The following MAPK4 variants were observed in gnomAD, a reference collection of about 807,000 sequenced individuals.
The protein encoded by MAPK4 is mitogen-activated protein kinase 4, also known as Erk3-related.
In MAPK4, 22 loss-of-function variants were observed where a neutral mutation model predicts 47.7. The ratio of observed to expected loss-of-function variants is 0.46; its 90% CI spans 0.33 to 0.66. The LOEUF (loss-of-function observed/expected upper bound fraction) is 0.66. Ranked by LOEUF, MAPK4 falls within the 30% of genes least tolerant of loss-of-function variation. The pLI, the probability that MAPK4 is intolerant of heterozygous loss-of-function variation, is 0.02. For synonymous variants in MAPK4, 390 were observed against 365.7 expected (o/e 1.07, Z -0.76); for missense variants, 736 against 831.7 (o/e 0.88, Z 1.42).
chr18:50,690,827 T>TA (rs1909174007), intron 2 of MAPK4, among the ~76,000 whole-genome samples: 2 of 152,150 alleles, frequency 1.3e-5, no homozygotes, highest in Admixed American at 6.5e-5. Flanking sequence ...CTTTTGCAAT[T>TA]AAAAAATACA....
intron 2 of MAPK4, among the ~76,000 whole-genome samples, chr18:50,701,920 C>T (rs1324860440): frequency 6.6e-6 from 1 of 152,068 alleles, no homozygotes; most frequent in Non-Finnish European, 1.5e-5. Context: ...CTTTGGGAGG[C>T]CAAGGCAGGT....
chr18:50,570,743 T>A (rs553300896), intron 1 of MAPK4, among the ~76,000 whole-genome samples: 1 of 152,340 alleles, frequency 6.6e-6, no homozygotes, highest in African/African-American at 2.4e-5. Flanking sequence ...GTTCTTGGAA[T>A]CAGCAGCCAC....
intron 5 of MAPK4, among the ~76,000 whole-genome samples, chr18:50,728,564 G>T (rs528743547): frequency 6.6e-6 from 1 of 152,312 alleles, no homozygotes; most frequent in South Asian, 2.1e-4. Context: ...CAGAATTGGT[G>T]GGGGGAAGCA....
intron 1 of MAPK4, among the ~76,000 whole-genome samples, chr18:50,589,468 C>T (rs899250208): frequency 1.1e-4 from 17 of 151,852 alleles, no homozygotes; most frequent in Admixed American, 3.3e-4. Flanking sequence ...TGGTGGCGGG[C>T]GCCTGTAGTC....
chr18:50,649,579 G>A lies in MAPK4; in HGVS notation c.-870-13510G>A, dbSNP rs539364528. 1.5e-4 allele frequency among the ~76,000 whole-genome samples: 23 copies of A among 152,294 alleles called. 1 individual carries two copies. Among genetic ancestry groups the A allele is most frequent in the Admixed American group, 9.8e-4 (15 of 15,298 alleles). ...CTGTCCAGCCTTTACCTCTTCGTGT[G>A]TGTTCCGTAAGGAAGCTCTGTGCAT... On this transcript the variant is annotated intron_variant, in intron 1 of 5. Transcript: ENST00000400384.
At chr18:50,561,743 G>C (rs2042155287) in intron 1 of MAPK4, among the ~76,000 whole-genome samples, 2 of 152,198 alleles carry the variant, frequency 1.3e-5, no homozygotes, top group Admixed American at 1.3e-4. Flanking sequence ...TTCTACACTT[G>C]AGGGTACACT....
chr18:50,649,896 T>C (rs1418894379), intron 1 of MAPK4, among the ~76,000 whole-genome samples: 1 of 152,212 alleles, frequency 6.6e-6, no homozygotes, highest in Non-Finnish European at 1.5e-5. Context: ...TTCATTTATC[T>C]GGAGTGTGTA....
rs559548127 is a variant in MAPK4 at position 50,720,799 on chromosome 18, T to C, written c.692-1139T>C. 2.6e-5 allele frequency among the ~76,000 whole-genome samples: 4 copies of C among 152,284 alleles called. No individual in the cohort carries two copies. In the South Asian group the frequency reaches 8.3e-4, roughly 32 times the overall value. On this transcript the variant is annotated intron_variant, in intron 3 of 5. Transcript: ENST00000400384. ...CCCTGAACTGACCCAATGAGTCCACTGCAGGGAGAGGCCAAAAGGACCTCT... is the reference window on the plus strand; with the variant it reads ...CCCTGAACTGACCCAATGAGTCCACCGCAGGGAGAGGCCAAAAGGACCTCT...
intron 1 of MAPK4, among the ~76,000 whole-genome samples, chr18:50,599,402 A>G (rs566981944): frequency 6.6e-6 from 1 of 152,194 alleles, no homozygotes; most frequent in Non-Finnish European, 1.5e-5. Flanking sequence ...GTCTATGAAC[A>G]TATTTCATTT....
chr18:50,601,150 G>A (rs2042535628), intron 1 of MAPK4, among the ~76,000 whole-genome samples: 1 of 150,874 alleles, frequency 6.6e-6, no homozygotes. Context: ...GAGACATAGT[G>A]TGAGACCCTG....
chr18:50,673,661 C>G (rs1908095172), intron 2 of MAPK4, among the ~76,000 whole-genome samples: 1 of 152,136 alleles, frequency 6.6e-6, no homozygotes, highest in South Asian at 2.1e-4. Flanking sequence ...TTGAGACCAT[C>G]CTGGCTAACA....
At chr18:50,673,862 A>C (rs1036480031) in intron 2 of MAPK4, among the ~76,000 whole-genome samples, 2 of 152,216 alleles carry the variant, frequency 1.3e-5, no homozygotes, top group Non-Finnish European at 2.9e-5. Flanking sequence ...TCTCAAAAAA[A>C]ACAAAAATGC....
chr18:50,598,458 G>T (rs372343109), intron 1 of MAPK4, among the ~76,000 whole-genome samples: 10 of 151,662 alleles, frequency 6.6e-5, no homozygotes, highest in African/African-American at 2.2e-4. Context: ...GCCTGGCTAG[G>T]AAAAAAAATC....
intron 1 of MAPK4, among the ~76,000 whole-genome samples, chr18:50,575,186 CA>C (rs1187444556): frequency 6.6e-6 from 1 of 152,188 alleles, no homozygotes; most frequent in Non-Finnish European, 1.5e-5. Context: ...TGCCTTCTGC[CA>C]TATGAGGACA....
intron 1 of MAPK4, among the ~76,000 whole-genome samples, chr18:50,649,683 A>G (rs897043150): frequency 5.9e-5 from 9 of 152,236 alleles, no homozygotes; most frequent in Non-Finnish European, 1.3e-4. Flanking sequence ...TAAAGGCAAT[A>G]TCTATCAAGT....
rs1426845034 is a variant in MAPK4 at position 50,664,634 on chromosome 18, G to A, written c.546+130G>A. On this transcript the variant is annotated intron_variant, in intron 2 of 5. Coordinates refer to ENST00000400384, the MANE Select transcript of MAPK4 (RefSeq NM_002747.4). The surrounding 1 kb of genome is among the most constrained non-coding windows in gnomAD (Gnocchi z 6.0). ...GTTAGTAATTAGGGGAGGCTGGAGG[G>A]TGCTAGGAAGATCACTAGCCTGAAA... The A allele has an allele frequency of 1.9e-6, 2 of 1,028,184 alleles. No homozygotes were observed. The highest frequency in any genetic ancestry group is 2.8e-6 in the Non-Finnish European group (2 of 724,190). 63.7% of individuals were successfully genotyped at this position (1,028,184 alleles called of 1,614,324 possible). A position where few individuals can be genotyped will look rare whatever the true frequency, so the allele number is the denominator to read the frequency against.
chr18:50,712,766 G>C (rs912500954), intron 2 of MAPK4, among the ~76,000 whole-genome samples: 1 of 152,150 alleles, frequency 6.6e-6, no homozygotes, highest in Non-Finnish European at 1.5e-5. Context: ...ATAAAAGACT[G>C]TGCATTTACA....
At chr18:50,616,104 G>A (rs11664092) in intron 1 of MAPK4, among the ~76,000 whole-genome samples, 28,342 of 152,164 alleles carry the variant, frequency 0.19, 2,752 homozygotes, top group Middle Eastern at 0.27. Flanking sequence ...TCTTCCCTGT[G>A]TATTTATTTG....
chr18:50,693,567 C>G (rs867346149), intron 2 of MAPK4, among the ~76,000 whole-genome samples: 41 of 152,144 alleles, frequency 2.7e-4, no homozygotes, highest in African/African-American at 8.9e-4. Flanking sequence ...TGTGATGATC[C>G]AAATCATAAC....
Sources: allele counts gnomAD v4.1 joint callset (sites outside exome capture counted in the v4.1 genomes callset), GRCh38; gene constraint gnomAD v4.1.1; non-coding constraint Gnocchi (gnomAD v3.1); transcripts MANE v1.5; gene names NCBI Gene and HGNC (gene_info 2026-07-23, HGNC 2026-07-21).